SPATA17: variants seen among roughly 807,000 people sequenced by gnomAD.
SPATA17 encodes spermatogenesis-associated protein 17.
Under a neutral mutation model 62.2 loss-of-function variants are expected in SPATA17, and 53 were observed. That is an observed-to-expected ratio of 0.85 (90% CI 0.68 to 1.07). The LOEUF (loss-of-function observed/expected upper bound fraction) is 1.07. SPATA17 is among the 50% of genes least tolerant of loss of function. SPATA17 has a pLI of 0.00. For synonymous variants in SPATA17, 146 were observed against 146.8 expected (o/e 0.99, Z 0.04); for missense variants, 466 against 425.5 (o/e 1.10, Z -0.84).
chr1:217,756,831 T>G (rs1452962961), intron 6 of SPATA17, among the ~76,000 whole-genome samples: 1 of 152,218 alleles, frequency 6.6e-6, no homozygotes, highest in Non-Finnish European at 1.5e-5. Context: ...TATTTTCATC[T>G]TTGAAATACC....
At chr1:217,840,587 C>G (rs1182601554) in intron 9 of SPATA17, among the ~76,000 whole-genome samples, 2 of 151,854 alleles carry the variant, frequency 1.3e-5, no homozygotes, top group African/African-American at 4.8e-5. Flanking sequence ...TGGAAGACGC[C>G]TGGCTCATGC....
chr1:217,785,902 C>T (rs538507954), intron 8 of SPATA17, among the ~76,000 whole-genome samples: 17 of 152,006 alleles, frequency 1.1e-4, no homozygotes, highest in Admixed American at 1.1e-3. Context: ...TTAAAGCTTT[C>T]TTTGTTCTTG....
In SPATA17 at chr1:217,868,185, T is replaced by C. The variant is rs1431463534; in HGVS notation, c.*1166T>C. ...TTGAACACTGATTGGATATTGGTGG[T>C]ATAAAAGAATTATTGGTTTTTTTTA... is the stretch of plus-strand genomic sequence containing the variant. On this transcript the variant is annotated 3_prime_UTR_variant, in exon 11 of 11. Coordinates refer to ENST00000366933, the MANE Select transcript of SPATA17 (RefSeq NM_138796.4). 6.6e-6 allele frequency: 1 copy of C among 152,224 alleles called. No homozygotes were observed. Among genetic ancestry groups the C allele is most frequent in the Non-Finnish European group, 1.5e-5 (1 of 68,036 alleles). 9.4% of individuals were successfully genotyped at this position (152,224 alleles called of 1,614,324 possible).
chr1:217,810,874 A>G (rs113339263), intron 9 of SPATA17, among the ~76,000 whole-genome samples: 17,651 of 151,938 alleles, frequency 0.12, 1,113 homozygotes, highest in Non-Finnish European at 0.14. Flanking sequence ...TGTCACAAGA[A>G]CAGCATAGGG....
intron 8 of SPATA17, among the ~76,000 whole-genome samples, chr1:217,787,390 T>C (rs1673896298): frequency 6.6e-6 from 1 of 152,148 alleles, no homozygotes; most frequent in African/African-American, 2.4e-5. Flanking sequence ...CAGGATCTGA[T>C]CCAAGCTTAT....
At chr1:217,766,720 C>CTTTTTTTTTTTTTTTTTTTTT (rs71167423) in intron 6 of SPATA17, among the ~76,000 whole-genome samples, 1 of 131,398 alleles carries the variant, frequency 7.6e-6, no homozygotes, top group African/African-American at 2.9e-5. Flanking sequence ...ATATCGTTCT[C>CTTTTTTTTTTTTTTTTTTTTT]TTTTTTTTTT....
rs991180010 is a variant in SPATA17, at chr1:217,868,157, A to G, written c.*1138A>G. The G allele has an allele frequency of 5.3e-5, 8 of 152,322 alleles. No individual in the cohort carries two copies. In the East Asian group the frequency reaches 1.3e-3, roughly 26 times the overall value. 9.4% of individuals were successfully genotyped at this position (152,322 alleles called of 1,614,324 possible). A position where few individuals can be genotyped will look rare whatever the true frequency, so the allele number is the denominator to read the frequency against. ...TAAAAGATCTTTTGAAACAATTGGA[A>G]GTTTGAACACTGATTGGATATTGGT... On this transcript the variant is annotated 3_prime_UTR_variant, in exon 11 of 11. Transcript: ENST00000366933.
intron 5 of SPATA17, among the ~76,000 whole-genome samples, chr1:217,688,784 G>T (rs995638170): frequency 2.0e-5 from 3 of 152,220 alleles, no homozygotes; most frequent in South Asian, 2.1e-4. Context: ...CTGTCTTATG[G>T]TATTATAATT....
intron 5 of SPATA17, among the ~76,000 whole-genome samples, chr1:217,717,240 C>T (rs996053065): frequency 6.6e-5 from 10 of 152,094 alleles, no homozygotes; most frequent in African/African-American, 2.4e-4. Flanking sequence ...GCCAATGAGA[C>T]ATTAGAAGGA....
At chr1:217,704,441 G>A (rs1279826218) in intron 5 of SPATA17, among the ~76,000 whole-genome samples, 7 of 149,136 alleles carry the variant, frequency 4.7e-5, no homozygotes, top group African/African-American at 1.7e-4. Flanking sequence ...TAGTAGAGAC[G>A]GGGTTTCACC....
At chr1:217,703,174 C>CTTT (rs1203063860) in intron 5 of SPATA17, among the ~76,000 whole-genome samples, 1,259 of 105,500 alleles carry the variant, frequency 0.012, 62 homozygotes, top group African/African-American at 0.038. Flanking sequence ...TGCGCTCGGC[C>CTTT]TTTTTTTTTT....
At chr1:217,842,610 G>A (rs370004888) in intron 9 of SPATA17, among the ~76,000 whole-genome samples, 6 of 151,384 alleles carry the variant, frequency 4.0e-5, no homozygotes, top group African/African-American at 1.2e-4. Flanking sequence ...TATTTAATTC[G>A]ATAGCATATG....
At chr1:217,853,452 T>C (rs1035657021) in intron 9 of SPATA17, among the ~76,000 whole-genome samples, 10 of 152,146 alleles carry the variant, frequency 6.6e-5, no homozygotes, top group African/African-American at 2.2e-4. Context: ...TTCTCATTCA[T>C]TTAGTGGCTT....
chr1:217,636,780 A>G (rs987708336), intron 1 of SPATA17, among the ~76,000 whole-genome samples: 1 of 152,034 alleles, frequency 6.6e-6, no homozygotes, highest in Non-Finnish European at 1.5e-5. Context: ...TCCCATTTCT[A>G]CTTTCTTCCT....
chr1:217,858,932 G>A lies in SPATA17; in HGVS notation c.1006-3842G>A, dbSNP rs907663647. The stretch of plus-strand genomic sequence containing the variant: ...AATCCCAGCCTCTTGGGAGGCTGAG[G>A]CAAGAGAATCACTGAACCCAGGGAG... On this transcript the variant is annotated intron_variant, in intron 9 of 10. Transcript: ENST00000366933. 3.3e-5 allele frequency among the ~76,000 whole-genome samples: 5 copies of A among 152,074 alleles called. No individual in the cohort carries two copies. The East Asian group carries it at 9.7e-4, about 29-fold the overall frequency.
At chr1:217,840,258 G>T (rs1163069816) in intron 9 of SPATA17, among the ~76,000 whole-genome samples, 1 of 152,102 alleles carries the variant, frequency 6.6e-6, no homozygotes, top group Non-Finnish European at 1.5e-5. Context: ...TTTGGAGTCA[G>T]GCTGCATAAG....
At chr1:217,719,187 A>G (rs1417338111) in intron 5 of SPATA17, among the ~76,000 whole-genome samples, 1 of 152,236 alleles carries the variant, frequency 6.6e-6, no homozygotes, top group Non-Finnish European at 1.5e-5. Context: ...CATGGAAGAT[A>G]ACAGACATGG....
chr1:217,654,748 G>T (rs1670398095), intron 3 of SPATA17, among the ~76,000 whole-genome samples: 1 of 137,794 alleles, frequency 7.3e-6, no homozygotes, highest in Admixed American at 7.9e-5. Context: ...ACAGAGTCTC[G>T]CTCTGTCGTC....
At chr1:217,657,948 G>T (rs1280159322) in intron 3 of SPATA17, among the ~76,000 whole-genome samples, 1 of 152,136 alleles carries the variant, frequency 6.6e-6, no homozygotes, top group African/African-American at 2.4e-5. Context: ...GCAAGCAAGA[G>T]AGAATGAGCA....
Sources: gnomAD v4.1 joint callset for allele counts (sites outside exome capture counted in the v4.1 genomes callset) on GRCh38, gnomAD v4.1.1 for gene constraint, MANE v1.5 for transcripts, NCBI Gene and HGNC (gene_info 2026-07-23, HGNC 2026-07-21) for gene names.